The following PLA2G4F variants were observed in gnomAD, a reference collection of about 807,000 sequenced individuals.
The protein encoded by PLA2G4F is phospholipase A2 group IVF, also known as cytosolic phospholipase A2 zeta.
A neutral mutation model predicts 103.1 loss-of-function variants in PLA2G4F; 105 were observed. The ratio of observed to expected loss-of-function variants is 1.02; its 90% CI spans 0.87 to 1.20. PLA2G4F has a LOEUF of 1.20. PLA2G4F is among the 50% of genes most tolerant of loss of function. PLA2G4F has a pLI of 0.00. For missense variants in PLA2G4F, 1,155 were observed against 1,075.9 expected, an observed-to-expected ratio of 1.07 and a Z score of -1.03; for synonymous variants, 468 against 441.1, an observed-to-expected ratio of 1.06 and a Z score of -0.76.
intron 11 of PLA2G4F, chr15:42,148,596 G>A (rs1372311165): frequency 3.1e-6 from 3 of 978,622 alleles, no homozygotes; most frequent in Non-Finnish European, 3.6e-6. Flanking sequence ...GGTGCGGTGG[G>A]GAGGAACTAA....
chr15:42,142,434 T>C, intron 19 of PLA2G4F, 94 bp downstream of exon 19: 1 of 1,417,940 alleles, frequency 7.1e-7, no homozygotes, highest in Non-Finnish European at 9.6e-7. Flanking sequence ...GAGGCGTGCT[T>C]AGTGACATTC....
chr15:42,156,427 C>T lies in PLA2G4F; in HGVS notation c.111+12G>A. The T allele has an allele frequency of 6.5e-7, 1 of 1,550,340 alleles. No homozygotes were observed. The highest frequency in any genetic ancestry group is 8.7e-7 in the Non-Finnish European group (1 of 1,145,410). On this transcript the variant is annotated intron_variant, in intron 1 of 19. Coordinates refer to ENST00000397272, the MANE Select transcript of PLA2G4F (RefSeq NM_213600.4). Reference sequence around the variant, plus strand: ...CCAGTCCGGGTTTCCCAGGTAATCTCAGGTACGTTACCCGCCAGTGCCTCC... The same window carrying T: ...CCAGTCCGGGTTTCCCAGGTAATCTTAGGTACGTTACCCGCCAGTGCCTCC...
chr15:42,142,790 C>G (rs945650656), intron 18 of PLA2G4F, 76 bp from the exon 19 acceptor site: 2 of 1,475,718 alleles, frequency 1.4e-6, no homozygotes, highest in African/African-American at 1.4e-5. Flanking sequence ...CACACACGCC[C>G]AGGCTTCAAT....
intron 13 of PLA2G4F, 98 bp downstream of exon 13, chr15:42,147,026 T>C: frequency 8.2e-7 from 1 of 1,220,644 alleles, no homozygotes; most frequent in South Asian, 1.4e-5. Context: ...GGAACAGCTT[T>C]GTAAATCAGA....
chr15:42,141,385 G>A lies in PLA2G4F; in HGVS notation c.*599C>T, dbSNP rs2048825742. 2 of 456,638 alleles carry A rather than the reference G, an allele frequency of 4.4e-6. No individual in the cohort carries two copies. Among genetic ancestry groups the A allele is most frequent in the Non-Finnish European group, 4.4e-6 (1 of 226,910 alleles). The allele number at this position is 456,638 out of a possible 1,614,324, so 28.3% of individuals were successfully genotyped here. ...GCTTTAGGGCGCTGGGAAGAGAAGG[G>A]TGATCTGGGAGGAGGCACGAGGAGA... is the stretch of plus-strand genomic sequence containing the variant. On this transcript the variant is annotated 3_prime_UTR_variant, in exon 20 of 20. Coordinates refer to ENST00000397272, the MANE Select transcript of PLA2G4F (RefSeq NM_213600.4).
intron 4 of PLA2G4F, among the ~76,000 whole-genome samples, 184 bp from the exon 5 acceptor site, chr15:42,153,844 C>T (rs902951148): frequency 6.6e-6 from 1 of 152,232 alleles, no homozygotes; most frequent in Non-Finnish European, 1.5e-5. Flanking sequence ...AAATATGTGT[C>T]AGGTGCTGTT....
intron 19 of PLA2G4F, among the ~76,000 whole-genome samples, 157 bp downstream of exon 19, chr15:42,142,371 A>G (rs2048834229): frequency 6.6e-6 from 1 of 152,206 alleles, no homozygotes; most frequent in African/African-American, 2.4e-5. Context: ...GCCCCATCTG[A>G]ACGCTGAGAC....
intron 16 of PLA2G4F, 117 bp downstream of exon 16, chr15:42,145,458 C>T: frequency 1.9e-6 from 2 of 1,066,672 alleles, no homozygotes; most frequent in Non-Finnish European, 2.8e-6. Context: ...TCAGGACTTC[C>T]CCGAATCCAG....
In PLA2G4F at chr15:42,147,661, A is replaced by G; in HGVS notation, c.1161T>C (p.Thr387=). 6.2e-7 allele frequency: 1 copy of G among 1,614,086 alleles called. No homozygotes were observed. Among genetic ancestry groups the G allele is most frequent in the Non-Finnish European group, 8.5e-7 (1 of 1,179,986 alleles). ...CAGAGACCCCACTCAGGTAGGTCAC[A>G]GTGTCTAGAAGGCCGAGCTCCTGCA... The part of the protein sequence containing the change: ...AGLQELGLLD[T]VTYLSGVSGS... Residue 387 remains threonine, a synonymous_variant, in exon 12 of 20, where the codon ACT becomes ACC. Transcript: ENST00000397272.
intron 2 of PLA2G4F, 41 bp from the exon 3 acceptor site, chr15:42,154,499 A>G (rs756523913): frequency 6.6e-7 from 1 of 1,513,398 alleles, no homozygotes; most frequent in Admixed American, 2.2e-5. Flanking sequence ...TCAAGCTCTC[A>G]TTGCTGAAAA....
chr15:42,149,052 C>T (rs2048924773), intron 11 of PLA2G4F: 7 of 985,380 alleles, frequency 7.1e-6, no homozygotes, highest in Non-Finnish European at 8.4e-6. Context: ...CCTCTCTCAG[C>T]ACGCCTTTCC....
rs370043998 is a variant in PLA2G4F at position 42,150,568 on chromosome 15, G to A, written c.771+40C>T. Reference sequence around the variant, plus strand: ...ACGTGGCCCTGGAACGCCAGTCTGGGCTGAGTTGGATCTACCGACCATCCT... The same window carrying A: ...ACGTGGCCCTGGAACGCCAGTCTGGACTGAGTTGGATCTACCGACCATCCT... On this transcript the variant is annotated intron_variant, in intron 8 of 19. Transcript: ENST00000397272. 1.0e-5 allele frequency: 16 copies of A among 1,596,738 alleles called. No homozygotes were observed. The African/African-American group carries it at 2.0e-4, about 20-fold the overall frequency.
Position 42,141,767 on chromosome 15 carries a change from C to G in PLA2G4F, c.*217G>C. The stretch of plus-strand genomic sequence containing the variant: ...CATCCCCAAGAGTCCCTGGAGCGAT[C>G]TACTGCCCATCTTCTCCAAAAACAC... On this transcript the variant is annotated 3_prime_UTR_variant, in exon 20 of 20. Coordinates refer to ENST00000397272, the MANE Select transcript of PLA2G4F (RefSeq NM_213600.4). The G allele has an allele frequency of 1.6e-6, 1 of 622,960 alleles. No individual in the cohort carries two copies. Among genetic ancestry groups the G allele is most frequent in the Admixed American group, 2.5e-5 (1 of 39,680 alleles). The allele number at this position is 622,960 out of a possible 1,614,324, so 38.6% of individuals were successfully genotyped here. A position where few individuals can be genotyped will look rare whatever the true frequency, so the allele number is the denominator to read the frequency against.
At chr15:42,147,860 G>A (rs144264889) in intron 11 of PLA2G4F, 98 bp from the exon 12 acceptor site, 307 of 1,496,656 alleles carry the variant, frequency 2.1e-4, no homozygotes, top group African/African-American at 8.5e-4. Context: ...AGTCTTACAC[G>A]TATTATCTCA....
intron 12 of PLA2G4F, 135 bp from the exon 13 acceptor site, chr15:42,147,481 G>A (rs138105805): frequency 4.0e-4 from 540 of 1,361,314 alleles, no homozygotes; most frequent in South Asian, 5.8e-4. Flanking sequence ...TCAGAGGGGC[G>A]CTTGGGACTC....
rs564656354 is a variant in PLA2G4F at position 42,144,400 on chromosome 15, G to T, written c.1975+50C>A. The T allele has an allele frequency of 2.3e-4, 370 of 1,594,570 alleles. No homozygotes were observed. In the African/African-American group the frequency reaches 4.4e-3, roughly 19 times the overall value. On this transcript the variant is annotated intron_variant, in intron 17 of 19. Transcript: ENST00000397272. ...CAGCACTGGCTCCAGTGAGCCAGAG[G>T]TGCAGGCAGGAAGGGAAGCCCCCCA...
chr15:42,142,859 C>T (rs1373108238), intron 18 of PLA2G4F, 145 bp from the exon 19 acceptor site: 8 of 861,416 alleles, frequency 9.3e-6, no homozygotes, highest in African/African-American at 1.7e-5. Context: ...CCTTTCTGAG[C>T]TGGTTTCTCA....
rs540629727 is a variant in PLA2G4F at position 42,150,050 on chromosome 15, T to A, written c.923+54A>T. Reference sequence around the variant, plus strand: ...AGAGAATGGAGCACGTTGGGGTATGTCCCCGCACTTCTAGCCCAGCCCCAA... The same window carrying A: ...AGAGAATGGAGCACGTTGGGGTATGACCCCGCACTTCTAGCCCAGCCCCAA... On this transcript the variant is annotated intron_variant, in intron 10 of 19. Coordinates refer to ENST00000397272, the MANE Select transcript of PLA2G4F (RefSeq NM_213600.4). 1.1e-4 allele frequency: 185 copies of A among 1,609,578 alleles called. No homozygotes were observed. In the East Asian group the frequency reaches 3.2e-3, roughly 28 times the overall value.
In PLA2G4F at chr15:42,145,588, A is replaced by C. The variant is rs763772274; in HGVS notation, c.1767T>G (p.Ser589Arg). ...CGCTACCCTCACCTGTGATATTCAC[A>C]CTGCCTCTGTACCACTCCAGGAAGC... is the stretch of plus-strand genomic sequence containing the variant. ...GLSFLEWYRGSVNITDDCQKP... is the reference protein window; with the variant it reads ...GLSFLEWYRGRVNITDDCQKP... The change falls in exon 16 of 20, where the codon AGT becomes AGG. Residue 589 changes from serine to arginine, a missense_variant. Ser to Arg is a moderately radical substitution (Grantham distance 110, BLOSUM62 -1). Transcript: ENST00000397272. 1 of 1,614,004 alleles carries C rather than the reference A, an allele frequency of 6.2e-7. No homozygotes were observed. Among genetic ancestry groups the C allele is most frequent in the Non-Finnish European group, 8.5e-7 (1 of 1,179,948 alleles).
Sources: gnomAD v4.1 joint callset for allele counts (sites outside exome capture counted in the v4.1 genomes callset) on GRCh38, gnomAD v4.1.1 for gene constraint, MANE v1.5 for transcripts, NCBI Gene and HGNC (gene_info 2026-07-23, HGNC 2026-07-21) for gene names.